The following FBXO4 variants were observed in gnomAD, a reference collection of about 807,000 sequenced individuals.
The protein encoded by FBXO4 is F-box protein 4.
FBXO4 carries 36 observed loss-of-function variants against 43.7 expected under a neutral mutation model. The ratio of observed to expected loss-of-function variants is 0.82; its 90% confidence interval spans 0.63 to 1.09. The LOEUF (loss-of-function observed/expected upper bound fraction) is 1.09. Ranked by LOEUF, FBXO4 falls within the 50% of genes least tolerant of loss-of-function variation. FBXO4 has a pLI of 0.00. For missense variants in FBXO4, 435 were observed against 474.1 expected (o/e 0.92, Z 0.77); for synonymous variants, 180 against 165.6 (o/e 1.09, Z -0.67).
chr5:41,992,875 T>C, the FBXO4 span, among the ~76,000 whole-genome samples: 1,553 of 152,340 alleles, frequency 0.01, 11 homozygotes, highest in Non-Finnish European at 0.016. Context: ...CTTCTAGTTA[T>C]AGTATTCTAT....
the FBXO4 span, among the ~76,000 whole-genome samples, chr5:41,992,756 C>A: frequency 6.6e-6 from 1 of 152,120 alleles, no homozygotes; most frequent in Non-Finnish European, 1.5e-5. Context: ...GATTGGAAAT[C>A]TTGAAGAGCC....
chr5:41,943,732 C>T (rs1752037732), downstream of FBXO4, among the ~76,000 whole-genome samples: 1 of 152,094 alleles, frequency 6.6e-6, no homozygotes, highest in Non-Finnish European at 1.5e-5. Context: ...ACTGCATGTG[C>T]ATATTAATAA....
chr5:42,018,818 C>T, the FBXO4 span, among the ~76,000 whole-genome samples: 5 of 152,096 alleles, frequency 3.3e-5, no homozygotes, highest in Admixed American at 6.5e-5. Flanking sequence ...ATGACAATAA[C>T]AAAGAGATCA....
chr5:41,977,110 G>T, the FBXO4 span, among the ~76,000 whole-genome samples: 1 of 152,268 alleles, frequency 6.6e-6, no homozygotes, highest in Non-Finnish European at 1.5e-5. Flanking sequence ...CCTGGATCTG[G>T]CCCCCCAAAC....
At chr5:42,029,962 C>T in the FBXO4 span, among the ~76,000 whole-genome samples, 1 of 151,962 alleles carries the variant, frequency 6.6e-6, no homozygotes, top group South Asian at 2.1e-4. Flanking sequence ...AAAGAGGATA[C>T]AAACAAATGG....
chr5:41,959,811 G>GT, the FBXO4 span, among the ~76,000 whole-genome samples: 1 of 151,932 alleles, frequency 6.6e-6, no homozygotes, highest in African/African-American at 2.4e-5. Context: ...CTCCTGCTTT[G>GT]TTCTTTTTGC....
At chr5:42,000,526 T>A in the FBXO4 span, among the ~76,000 whole-genome samples, 1 of 152,214 alleles carries the variant, frequency 6.6e-6, no homozygotes, top group Non-Finnish European at 1.5e-5. Context: ...TTTCTCTCAT[T>A]CCATAGGTTG....
At chr5:41,983,464 A>T in the FBXO4 span, among the ~76,000 whole-genome samples, 1 of 152,194 alleles carries the variant, frequency 6.6e-6, no homozygotes, top group East Asian at 1.9e-4. Context: ...TAATTTTCAT[A>T]TTTGCTATTG....
chr5:41,987,839 G>A, the FBXO4 span, among the ~76,000 whole-genome samples: 1 of 152,116 alleles, frequency 6.6e-6, no homozygotes, highest in South Asian at 2.1e-4. Context: ...TTCTTTCTTA[G>A]GATTTCCATC....
intron 6 of FBXO4, 146 bp downstream of exon 6, chr5:41,939,762 T>C: frequency 1.7e-6 from 1 of 599,180 alleles, no homozygotes; most frequent in Non-Finnish European, 2.7e-6. Flanking sequence ...ATTTGATTGG[T>C]GATAATAAAT....
At chr5:41,959,559 T>C in the FBXO4 span, among the ~76,000 whole-genome samples, 1 of 152,092 alleles carries the variant, frequency 6.6e-6, no homozygotes, top group South Asian at 2.1e-4. Context: ...AATTTTTGCA[T>C]GTGCTTTGAG....
the FBXO4 span, chr5:41,967,839 G>A: frequency 1.7e-6 from 1 of 594,140 alleles, no homozygotes; most frequent in South Asian, 1.4e-5. Flanking sequence ...TCAATTTATT[G>A]ATTAAATTCA....
chr5:41,930,313 T>C (rs1214154447), intron 3 of FBXO4, among the ~76,000 whole-genome samples: 1 of 145,826 alleles, frequency 6.9e-6, no homozygotes, highest in African/African-American at 2.5e-5. Context: ...TTAAAAAAAA[T>C]GCATAAATAT....
the FBXO4 span, among the ~76,000 whole-genome samples, chr5:41,998,116 G>C: frequency 3.2e-4 from 48 of 152,252 alleles, no homozygotes; most frequent in Non-Finnish European, 5.0e-4. Context: ...AGACTATTCT[G>C]ATTGCCACTT....
chr5:42,007,239 T>TA, the FBXO4 span, among the ~76,000 whole-genome samples: 18 of 151,788 alleles, frequency 1.2e-4, no homozygotes, highest in South Asian at 1.7e-3. Context: ...GCCCTGTCTC[T>TA]AAAAAAATAG....
At position 41,929,956 on chromosome 5, in the gene FBXO4, T is replaced by C. The variant is rs367864415; in HGVS notation, c.646+39T>C. The C allele has an allele frequency of 2.9e-6, 4 of 1,391,340 alleles. No individual in the cohort carries two copies. The African/African-American group carries it at 5.8e-5, about 20-fold the overall frequency. 86.2% of individuals were successfully genotyped at this position (1,391,340 alleles called of 1,614,324 possible). On this transcript the variant is annotated intron_variant, in intron 3 of 6. Coordinates refer to ENST00000281623, the MANE Select transcript of FBXO4 (RefSeq NM_012176.3). ...TAATCTACAGTTAATTCAAACACTT[T>C]GAGCTTGACATTCTTGTTAAAAAGA...
chr5:41,957,869 G>A, the FBXO4 span, among the ~76,000 whole-genome samples: 3 of 151,910 alleles, frequency 2.0e-5, no homozygotes, highest in African/African-American at 7.3e-5. Context: ...TCAGAAAAAG[G>A]CACATTATTT....
At chr5:41,955,897 T>A in the FBXO4 span, among the ~76,000 whole-genome samples, 1 of 152,170 alleles carries the variant, frequency 6.6e-6, no homozygotes, top group Non-Finnish European at 1.5e-5. Flanking sequence ...GCCTCGGTAG[T>A]AGAAAAATCA....
rs1472525549 is a variant in FBXO4, at chr5:41,929,877, A to G, written c.606A>G (p.Glu202=). ...SLVLSLMSSE[E]LCPTAGLPQR... ...TGTTGAGCTTGATGTCTTCAGAGGA[A>G]CTTTGCCCAACAGCTGGTTTGCCTC... Residue 202 remains glutamate (E), a synonymous_variant, in exon 3 of 7, where the codon GAA becomes GAG. Coordinates refer to ENST00000281623, the MANE Select transcript of FBXO4 (RefSeq NM_012176.3). 1.9e-6 allele frequency: 3 copies of G among 1,613,390 alleles called. No individual in the cohort carries two copies. Among genetic ancestry groups the G allele is most frequent in the Non-Finnish European group, 1.7e-6 (2 of 1,179,874 alleles).
Sources: allele counts gnomAD v4.1 joint callset (sites outside exome capture counted in the v4.1 genomes callset), GRCh38; gene constraint gnomAD v4.1.1; transcripts MANE v1.5; gene names NCBI Gene and HGNC (gene_info 2026-07-23, HGNC 2026-07-21).